The following USP25 variants were observed in gnomAD, a reference collection of about 807,000 sequenced individuals.
The protein encoded by USP25 is ubiquitin specific peptidase 25, also known as ubiquitin carboxyl-terminal hydrolase 25.
In USP25, 85 loss-of-function variants were observed where a neutral mutation model predicts 158.5. The observed-to-expected ratio is 0.54, with a 90% CI of 0.45 to 0.64. The LOEUF (loss-of-function observed/expected upper bound fraction) is 0.64. Among genes scored for constraint, USP25 ranks in the 30% least tolerant of loss-of-function variants. The pLI is 0.00. For missense variants in USP25, 1,242 were observed against 1,327.3 expected (o/e 0.94, Z 1.00); for synonymous variants, 464 against 460.4 (o/e 1.01, Z -0.10).
intron 1 of USP25, among the ~76,000 whole-genome samples, chr21:15,732,597 A>T (rs1221412363): frequency 1.3e-5 from 2 of 152,204 alleles, no homozygotes; most frequent in Admixed American, 1.3e-4. Flanking sequence ...CATAGCCAAC[A>T]TTTTAGCCAG....
chr21:15,763,858 A>G (rs2033880495), intron 2 of USP25, among the ~76,000 whole-genome samples: 1 of 152,202 alleles, frequency 6.6e-6, no homozygotes, highest in African/African-American at 2.4e-5. Context: ...TCCTAATAAT[A>G]AATAACTCTA....
chr21:15,808,664 A>G (rs1397603480), intron 7 of USP25, 145 bp from the exon 8 acceptor site: 3 of 556,762 alleles, frequency 5.4e-6, no homozygotes, highest in Non-Finnish European at 9.2e-6. Flanking sequence ...AGTTTCTTGC[A>G]TTTCGTGTGA....
intron 19 of USP25, 145 bp from the exon 20 acceptor site, chr21:15,849,632 C>A: frequency 1.7e-6 from 1 of 591,724 alleles, no homozygotes; most frequent in Non-Finnish European, 2.8e-6. Context: ...TTAAAAGGTG[C>A]TTACATGCAT....
intron 9 of USP25, among the ~76,000 whole-genome samples, chr21:15,813,470 T>C (rs2036776540): frequency 6.6e-6 from 1 of 152,120 alleles, no homozygotes; most frequent in Non-Finnish European, 1.5e-5. Flanking sequence ...TCACTACCTC[T>C]ACTATATTTT....
chr21:15,808,188 C>CA lies in USP25; in HGVS notation c.781-620dup, dbSNP rs151277282. 2.5e-3 allele frequency among the ~76,000 whole-genome samples: 387 copies of CA among 152,214 alleles called. 1 individual carries two copies. The highest frequency in any genetic ancestry group is 9.0e-3 in the African/African-American group (374 of 41,524). ...ATTTATTATTTTCTGTGTTCCAACT[C>CA]ACGTTATTGAAAGAATTATGGTAGT... On this transcript the variant is annotated intron_variant, in intron 7 of 25. Coordinates refer to ENST00000400183, the MANE Select transcript of USP25 (RefSeq NM_001283041.3).
chr21:15,863,478 G>A (rs1046723065), intron 20 of USP25, among the ~76,000 whole-genome samples: 1 of 152,054 alleles, frequency 6.6e-6, no homozygotes, highest in Non-Finnish European at 1.5e-5. Flanking sequence ...GCAATAATAC[G>A]ACTATGCATT....
chr21:15,840,636 CG>C (rs1803845283), intron 17 of USP25, among the ~76,000 whole-genome samples: 1 of 152,078 alleles, frequency 6.6e-6, no homozygotes, highest in African/African-American at 2.4e-5. Context: ...TTACTCATAA[CG>C]TTTTTGTACT....
At chr21:15,802,841 A>G (rs1317779532) in intron 6 of USP25, among the ~76,000 whole-genome samples, 1 of 151,732 alleles carries the variant, frequency 6.6e-6, no homozygotes, top group East Asian at 1.9e-4. Context: ...CAGAAAAACA[A>G]TACAGAAAAT....
rs1461380118 is a variant in USP25 at position 15,826,956 on chromosome 21, A to G, written c.1467-21A>G. On this transcript the variant is annotated intron_variant, in intron 13 of 25. Transcript: ENST00000400183. The surrounding 1 kb of genome is among the most constrained non-coding windows in gnomAD (Gnocchi z 4.8). ...TTTCAGCTTGAAAGGTTAATAAGAA[A>G]TACTCTATGCTTTGATACAGCACAA... 1.9e-6 allele frequency: 3 copies of G among 1,610,302 alleles called. No individual in the cohort carries two copies. The highest frequency in any genetic ancestry group is 2.5e-6 in the Non-Finnish European group (3 of 1,179,146).
intron 19 of USP25, among the ~76,000 whole-genome samples, chr21:15,849,162 A>T (rs1045233741): frequency 6.6e-6 from 1 of 152,208 alleles, no homozygotes; most frequent in African/African-American, 2.4e-5. Flanking sequence ...TCTCTCATTT[A>T]AAAAAGTTGA....
In USP25 at chr21:15,846,957, G is replaced by T. The variant is rs528637807; in HGVS notation, c.2338-706G>T. 4.6e-4 allele frequency among the ~76,000 whole-genome samples: 70 copies of T among 152,192 alleles called. 2 individuals are homozygous for T. The highest frequency in any genetic ancestry group is 4.0e-4 in the Non-Finnish European group (27 of 67,986). ...TAAAAAGAAAAAAAGGAATAAATCT[G>T]ATTGAGTTGTTAAAAATGGGTATCA... On this transcript the variant is annotated intron_variant, in intron 18 of 25. Transcript: ENST00000400183.
chr21:15,832,438 CTA>C (rs1491366401), intron 16 of USP25, among the ~76,000 whole-genome samples: 2 of 152,106 alleles, frequency 1.3e-5, no homozygotes, highest in Non-Finnish European at 2.9e-5. Flanking sequence ...CCACTTCTGA[CTA>C]AAAAAATGAA....
chr21:15,782,697 C>A (rs2035036002), intron 4 of USP25, among the ~76,000 whole-genome samples: 1 of 152,142 alleles, frequency 6.6e-6, no homozygotes, highest in Non-Finnish European at 1.5e-5. Context: ...CACCCTGAAC[C>A]AAAGCCACCA....
intron 23 of USP25, among the ~76,000 whole-genome samples, chr21:15,873,643 G>A (rs548506739): frequency 2.6e-5 from 4 of 151,964 alleles, no homozygotes; most frequent in African/African-American, 7.2e-5. Flanking sequence ...ACAGGCATGT[G>A]TCACCATGCC....
chr21:15,802,389 G>C (rs1429510280), intron 6 of USP25, among the ~76,000 whole-genome samples: 1 of 151,516 alleles, frequency 6.6e-6, no homozygotes, highest in Admixed American at 6.6e-5. Context: ...AGTAACAGGA[G>C]CTGGATTTAT....
chr21:15,815,327 G>T (rs979498949), intron 9 of USP25, among the ~76,000 whole-genome samples: 1 of 152,200 alleles, frequency 6.6e-6, no homozygotes, highest in Admixed American at 6.5e-5. Flanking sequence ...TGTGGGGTTG[G>T]AGCCCACACA....
chr21:15,842,301 C>A, intron 17 of USP25, 97 bp from the exon 18 acceptor site: 1 of 1,328,478 alleles, frequency 7.5e-7, no homozygotes, highest in African/African-American at 1.5e-5. Context: ...AAAATTGGTT[C>A]TTACATAACT....
intron 6 of USP25, among the ~76,000 whole-genome samples, chr21:15,802,689 C>T (rs1294378095): frequency 1.3e-5 from 2 of 151,626 alleles, no homozygotes; most frequent in African/African-American, 4.8e-5. Context: ...TCTTACCAGA[C>T]ATCTTATTAG....
At position 15,737,263 on chromosome 21, in the gene USP25, A is replaced by G. The variant is rs1163156035; in HGVS notation, c.45+6825A>G. 3.3e-5 allele frequency among the ~76,000 whole-genome samples: 5 copies of G among 152,098 alleles called. 1 individual carries two copies. In the Middle Eastern group the frequency reaches 0.014, roughly 414 times the overall value. On this transcript the variant is annotated intron_variant, in intron 1 of 25. Transcript: ENST00000400183. ...CCAGTTCTGTATTTACTACCCTTATATGTGGTCAGATAGTTTACAAAGAGT... is the reference window on the plus strand; with the variant it reads ...CCAGTTCTGTATTTACTACCCTTATGTGTGGTCAGATAGTTTACAAAGAGT...
Sources: allele counts gnomAD v4.1 joint callset (sites outside exome capture counted in the v4.1 genomes callset), GRCh38; gene constraint gnomAD v4.1.1; non-coding constraint Gnocchi (gnomAD v3.1); transcripts MANE v1.5; gene names NCBI Gene and HGNC (gene_info 2026-07-23, HGNC 2026-07-21).